Variants in SAMD5 observed in about 807,000 individuals in gnomAD.
The protein encoded by SAMD5 is sterile alpha motif domain-containing protein 5.
A neutral mutation model predicts 11.3 loss-of-function variants in SAMD5; 13 were observed. The observed-to-expected ratio is 1.15, with a 90% CI of 0.75 to 1.83. The LOEUF (loss-of-function observed/expected upper bound fraction) is 1.83, where lower values mean the gene tolerates loss of function less well. SAMD5 is among the 40% of genes most tolerant of loss of function. SAMD5 has a pLI of 0.00. For synonymous variants in SAMD5, 129 were observed against 111.3 expected (o/e 1.16, Z -1.00); for missense variants, 255 against 239.1 (o/e 1.07, Z -0.44).
chr6:147,864,085 A>T, the SAMD5 span, among the ~76,000 whole-genome samples: 6 of 151,780 alleles, frequency 4.0e-5, no homozygotes, highest in East Asian at 1.2e-3. Context: ...CTCATGATCA[A>T]CCCACTTCGG....
the SAMD5 span, among the ~76,000 whole-genome samples, chr6:147,804,454 C>G: frequency 3.9e-5 from 6 of 152,272 alleles, no homozygotes; most frequent in South Asian, 1.0e-3. Context: ...GGAGCACCTC[C>G]AGAACAAAGT....
At chr6:147,769,384 G>C in the SAMD5 span, among the ~76,000 whole-genome samples, 1 of 151,812 alleles carries the variant, frequency 6.6e-6, no homozygotes, top group African/African-American at 2.4e-5. Context: ...TACACCTTAA[G>C]CTTTTATAAG....
chr6:147,873,926 G>A, the SAMD5 span, among the ~76,000 whole-genome samples: 1 of 152,088 alleles, frequency 6.6e-6, no homozygotes, highest in Non-Finnish European at 1.5e-5. Context: ...CCCCAAATTA[G>A]CAGCAAACTT....
At chr6:147,682,644 A>G (rs75501665) in intron 1 of SAMD5, among the ~76,000 whole-genome samples, 2,826 of 152,330 alleles carry the variant, frequency 0.019, 56 homozygotes, top group South Asian at 0.072. Context: ...TAAAAATCAA[A>G]ATTATAGGCT....
At chr6:147,602,254 A>G (rs1789629485) in intron 1 of SAMD5, among the ~76,000 whole-genome samples, 1 of 152,268 alleles carries the variant, frequency 6.6e-6, no homozygotes, top group Admixed American at 6.5e-5. Context: ...AACATTTTCA[A>G]TTCTAAACCA....
chr6:147,633,399 C>T (rs1405018801), intron 1 of SAMD5, among the ~76,000 whole-genome samples: 4 of 152,020 alleles, frequency 2.6e-5, no homozygotes, highest in South Asian at 2.1e-4. Flanking sequence ...CTGTCGCCAG[C>T]GGGGGAAATA....
intron 1 of SAMD5, among the ~76,000 whole-genome samples, chr6:147,581,071 G>A (rs1583093646): frequency 6.6e-6 from 1 of 152,152 alleles, no homozygotes; most frequent in Non-Finnish European, 1.5e-5. Context: ...AACTGCAAGA[G>A]GAAAGAGGTA....
intron 1 of SAMD5, among the ~76,000 whole-genome samples, chr6:147,653,530 G>C (rs1214925268): frequency 6.6e-6 from 1 of 152,158 alleles, no homozygotes; most frequent in Non-Finnish European, 1.5e-5. Context: ...GATCTTTCAA[G>C]TACCGGTGTC....
the SAMD5 span, among the ~76,000 whole-genome samples, chr6:147,944,848 C>G: frequency 6.6e-6 from 1 of 152,160 alleles, no homozygotes; most frequent in Non-Finnish European, 1.5e-5. Context: ...CTGTTCATGC[C>G]TCTTCCTTGC....
At chr6:147,739,468 T>A (rs1230407812), downstream of SAMD5, among the ~76,000 whole-genome samples, 1 of 152,030 alleles carries the variant, frequency 6.6e-6, no homozygotes, top group East Asian at 1.9e-4. Context: ...CGTAGTGGCA[T>A]GTGCCTGTAG....
the SAMD5 span, among the ~76,000 whole-genome samples, chr6:147,830,558 A>G: frequency 2.8e-4 from 42 of 152,096 alleles, no homozygotes; most frequent in African/African-American, 9.9e-4. Flanking sequence ...GCCCGGCCCC[A>G]GTAAGCTCTT....
the SAMD5 span, among the ~76,000 whole-genome samples, chr6:147,918,688 CTTTTTTTTTTTTTTT>C: frequency 1.0e-5 from 1 of 99,446 alleles, no homozygotes; most frequent in Non-Finnish European, 1.9e-5. Context: ...CACAAGCATT[CTTTTTTTTTTTTTTT>C]TTTTTTTTTT....
chr6:147,654,642 C>G (rs867522379), intron 1 of SAMD5, among the ~76,000 whole-genome samples: 1 of 152,226 alleles, frequency 6.6e-6, no homozygotes, highest in East Asian at 1.9e-4. Flanking sequence ...GCTGCCGCTG[C>G]TGCTGCTATC....
At chr6:147,718,281 T>C (rs1791495581) in intron 1 of SAMD5, among the ~76,000 whole-genome samples, 1 of 152,032 alleles carries the variant, frequency 6.6e-6, no homozygotes, top group Admixed American at 6.6e-5. Context: ...CTGGTGCACA[T>C]CCCCCACCGA....
chr6:147,800,710 A>G, the SAMD5 span, among the ~76,000 whole-genome samples: 1 of 152,096 alleles, frequency 6.6e-6, no homozygotes, highest in Non-Finnish European at 1.5e-5. Flanking sequence ...TTAATTCTAA[A>G]AGCCTAATGA....
chr6:147,699,447 T>A (rs1791222425), intron 1 of SAMD5, among the ~76,000 whole-genome samples: 1 of 152,254 alleles, frequency 6.6e-6, no homozygotes, highest in South Asian at 2.1e-4. Context: ...AATTCTTGAA[T>A]ATAATTTAAC....
the SAMD5 span, among the ~76,000 whole-genome samples, chr6:147,745,721 G>A: frequency 6.6e-6 from 1 of 151,956 alleles, no homozygotes; most frequent in African/African-American, 2.4e-5. Flanking sequence ...GAGTAGGCCA[G>A]GCATTGTGAA....
chr6:147,611,974 C>T (rs767076054), intron 1 of SAMD5, among the ~76,000 whole-genome samples: 3 of 152,194 alleles, frequency 2.0e-5, no homozygotes, highest in Non-Finnish European at 4.4e-5. Context: ...TGCTAGAGTG[C>T]TGGGCCATCG....
chr6:147,949,075 G>T, the SAMD5 span, among the ~76,000 whole-genome samples: 1 of 152,190 alleles, frequency 6.6e-6, no homozygotes, highest in African/African-American at 2.4e-5. Flanking sequence ...ACCCACAGAC[G>T]TGTGAACCAA....
Sources: gnomAD v4.1 joint callset for allele counts (sites outside exome capture counted in the v4.1 genomes callset) on GRCh38, gnomAD v4.1.1 for gene constraint, MANE v1.5 for transcripts, NCBI Gene and HGNC (gene_info 2026-07-23, HGNC 2026-07-21) for gene names.